FABP12: variants seen among roughly 807,000 people sequenced by gnomAD.
FABP12 encodes fatty acid-binding protein 12.
A neutral mutation model predicts 13.7 loss-of-function variants in FABP12; 19 were observed. That is an observed-to-expected ratio of 1.39 (90% confidence interval 0.97 to 2.04). The LOEUF is 2.04. FABP12 is among the 30% of genes most tolerant of loss of function. The pLI is 0.00. For missense variants in FABP12, 182 were observed against 164.2 expected, an observed-to-expected ratio of 1.11 and a Z score of -0.59; for synonymous variants, 61 against 57.0, an observed-to-expected ratio of 1.07 and a Z score of -0.32.
intron 1 of FABP12, among the ~76,000 whole-genome samples, chr8:81,544,449 T>G (rs1809402716): frequency 6.6e-6 from 1 of 152,212 alleles, no homozygotes; most frequent in Non-Finnish European, 1.5e-5. Context: ...CCTCTTTTAT[T>G]TCTTACAAGG....
chr8:81,543,643 G>A (rs571036019), intron 1 of FABP12, among the ~76,000 whole-genome samples: 2 of 152,234 alleles, frequency 1.3e-5, no homozygotes, highest in East Asian at 3.9e-4. Flanking sequence ...AAGCAAAATG[G>A]CTGGAATGAA....
chr8:81,536,798 G>A (rs531896270), upstream of FABP12, among the ~76,000 whole-genome samples: 53 of 152,274 alleles, frequency 3.5e-4, no homozygotes, highest in Non-Finnish European at 4.9e-4. Flanking sequence ...CAGCTGCCAC[G>A]TGTAGATAAA....
At chr8:81,544,244 T>C (rs1181568593) in intron 1 of FABP12, among the ~76,000 whole-genome samples, 1 of 152,222 alleles carries the variant, frequency 6.6e-6, no homozygotes, top group Non-Finnish European at 1.5e-5. Context: ...AAATGTGTTC[T>C]TTAGAAGCTC....
At chr8:81,540,100 A>C (rs1809310860) in intron 1 of FABP12, among the ~76,000 whole-genome samples, 1 of 152,220 alleles carries the variant, frequency 6.6e-6, no homozygotes, top group South Asian at 2.1e-4. Context: ...ACTAAGGACA[A>C]ATGTTCTAGA....
At chr8:81,532,221 G>A (rs961088049) in intron 1 of FABP12, among the ~76,000 whole-genome samples, 16 of 152,132 alleles carry the variant, frequency 1.1e-4, no homozygotes, top group African/African-American at 3.9e-4. Context: ...GGACAAACAT[G>A]CCCTTATACA....
chr8:81,560,635 C>G (rs909845521), intron 1 of FABP12, among the ~76,000 whole-genome samples: 2 of 152,150 alleles, frequency 1.3e-5, no homozygotes, highest in Non-Finnish European at 2.9e-5. Flanking sequence ...TTTTAAAAAT[C>G]TCATCTTTTA....
intron 1 of FABP12, among the ~76,000 whole-genome samples, chr8:81,557,735 G>A (rs1482748168): frequency 2.0e-5 from 3 of 152,122 alleles, no homozygotes; most frequent in Non-Finnish European, 4.4e-5. Flanking sequence ...CTTTAGTTTT[G>A]TTTCCTATAG....
At chr8:81,583,470 A>G (rs1326092584) in intron 1 of FABP12, among the ~76,000 whole-genome samples, 2 of 152,108 alleles carry the variant, frequency 1.3e-5, no homozygotes, top group African/African-American at 2.4e-5. Context: ...AAAAAAAGAA[A>G]GAATGCCCAA....
At chr8:81,568,129 C>CAA (rs751713921) in intron 1 of FABP12, among the ~76,000 whole-genome samples, 23,459 of 99,110 alleles carry the variant, frequency 0.24, 2,262 homozygotes, top group East Asian at 0.4. Flanking sequence ...GACTCCGTCT[C>CAA]AAAAAAAAAA....
chr8:81,541,910 TAAAAAAAAAAAAAAAAAAAAAA>T lies in FABP12; in HGVS notation c.-184-2189_-184-2168del, dbSNP rs1167487132. On this transcript the variant is annotated intron_variant, in intron 1 of 5. Coordinates refer to the FABP12 transcript ENST00000692030. ...CTGGACTTCCAGGAGTCCCAGGGTT[TAAAAAAAAAAAAAAAAAAAAAA>T]AAAAAAAAAGACAAAGAAAATCTTT... Among the ~76,000 whole-genome samples, 23 of 71,156 alleles carry T rather than the reference TAAAAAAAAAAAAAAAAAAAAAA, an allele frequency of 3.2e-4. 1 individual carries two copies. In the South Asian group the frequency reaches 0.012, roughly 37 times the overall value. 46.7% of individuals were successfully genotyped at this position (71,156 alleles called of 152,430 possible).
upstream of FABP12, among the ~76,000 whole-genome samples, chr8:81,536,767 CTA>C (rs1809232017): frequency 1.3e-5 from 2 of 152,170 alleles, no homozygotes; most frequent in Non-Finnish European, 2.9e-5. Flanking sequence ...GGTTGGCAAA[CTA>C]TGACCCATAT....
chr8:81,564,835 TG>T (rs2130055395), intron 1 of FABP12, among the ~76,000 whole-genome samples: 1 of 152,132 alleles, frequency 6.6e-6, no homozygotes, highest in African/African-American at 2.4e-5. Context: ...TCTTTACTCC[TG>T]AATAATAACA....
At chr8:81,584,381 A>G (rs1353770792) in intron 1 of FABP12, among the ~76,000 whole-genome samples, 1 of 152,220 alleles carries the variant, frequency 6.6e-6, no homozygotes, top group Non-Finnish European at 1.5e-5. Flanking sequence ...GCCTGGACTC[A>G]GAAGAGACTT....
Position 81,529,385 on chromosome 8 carries a change from T to C in FABP12, c.246+53A>G, listed in dbSNP as rs763683158. 2.6e-6 allele frequency: 4 copies of C among 1,559,614 alleles called. No individual in the cohort carries two copies. In the East Asian group the frequency reaches 6.7e-5, roughly 26 times the overall value. ...AGAATTGCTTACTTACCGAGGATGA[T>C]ATCTGACTAACATTCTTTTGAAATG... On this transcript the variant is annotated intron_variant, in intron 3 of 4. Transcript: ENST00000360464.
chr8:81,535,867 G>A (rs1809209143), upstream of FABP12, among the ~76,000 whole-genome samples: 1 of 152,010 alleles, frequency 6.6e-6, no homozygotes, highest in Non-Finnish European at 1.5e-5. Flanking sequence ...CTTTCTACTG[G>A]GGCGCTCATC....
chr8:81,534,937 C>CA (rs1324221139), upstream of FABP12, among the ~76,000 whole-genome samples: 1 of 147,192 alleles, frequency 6.8e-6, no homozygotes, highest in Non-Finnish European at 1.5e-5. Flanking sequence ...GACTCCAACT[C>CA]AAAAAATTAA....
At chr8:81,580,907 T>C (rs112238724) in intron 1 of FABP12, among the ~76,000 whole-genome samples, 25 of 152,242 alleles carry the variant, frequency 1.6e-4, no homozygotes, top group African/African-American at 5.8e-4. Context: ...TTATTCTTCC[T>C]ATTGTGTAAG....
At chr8:81,537,642 G>A (rs886297417), upstream of FABP12, among the ~76,000 whole-genome samples, 6 of 152,116 alleles carry the variant, frequency 3.9e-5, no homozygotes, top group African/African-American at 1.4e-4. Context: ...TTTGTAGGAA[G>A]GGCATTAACG....
intron 3 of FABP12, among the ~76,000 whole-genome samples, chr8:81,527,616 C>T (rs1808941002): frequency 1.3e-5 from 2 of 152,220 alleles, no homozygotes; most frequent in African/African-American, 4.8e-5. Context: ...CCCACATTGG[C>T]CTCCCAAAGC....
Sources: gnomAD v4.1 joint callset for allele counts (sites outside exome capture counted in the v4.1 genomes callset) on GRCh38, gnomAD v4.1.1 for gene constraint, MANE v1.5 for transcripts, NCBI Gene and HGNC (gene_info 2026-07-23, HGNC 2026-07-21) for gene names.